Variants in FSHR observed in about 807,000 individuals in gnomAD.
FSHR encodes the protein follicle-stimulating hormone receptor.
Under a neutral mutation model 52.1 loss-of-function variants are expected in FSHR, and 46 were observed. The observed-to-expected ratio is 0.88, with a 90% confidence interval of 0.70 to 1.13. The LOEUF (loss-of-function observed/expected upper bound fraction) is 1.13. Among genes scored for constraint, FSHR ranks in the 50% most tolerant of loss-of-function variants. The pLI is 0.00. For missense variants in FSHR, 964 were observed against 834.6 expected, an observed-to-expected ratio of 1.16 and a Z score of -1.91; for synonymous variants, 399 against 309.6, an observed-to-expected ratio of 1.29 and a Z score of -3.03.
chr2:49,045,094 T>A (rs1668606832), intron 2 of FSHR, among the ~76,000 whole-genome samples: 1 of 152,216 alleles, frequency 6.6e-6, no homozygotes, highest in Non-Finnish European at 1.5e-5. Context: ...AAAAGTGTTT[T>A]TTTTCCCCAT....
At chr2:49,013,550 A>T (rs1223630264) in intron 4 of FSHR, among the ~76,000 whole-genome samples, 1 of 145,712 alleles carries the variant, frequency 6.9e-6, no homozygotes, top group African/African-American at 2.5e-5. Context: ...AAATAAATAT[A>T]TATATGGTTT....
intron 8 of FSHR, among the ~76,000 whole-genome samples, chr2:48,981,208 G>A (rs1005581434): frequency 5.1e-4 from 77 of 152,226 alleles, no homozygotes; most frequent in African/African-American, 1.8e-3. Context: ...GTCCTTCCTT[G>A]TACTTCATAG....
At position 48,964,023 on chromosome 2, in the gene FSHR, A is replaced by C. The variant is rs1674361557; in HGVS notation, c.855-57T>G. ...ATCTCAGATCCAGTATAGCAAATAC[A>C]TCACTGTCTTTGTGCAGGGTAGAAA... On this transcript the variant is annotated intron_variant, in intron 9 of 9. Coordinates refer to ENST00000406846, the MANE Select transcript of FSHR (RefSeq NM_000145.4). 2.6e-6 allele frequency: 4 copies of C among 1,541,018 alleles called. No homozygotes were observed. In the Admixed American group the frequency reaches 5.0e-5, roughly 19 times the overall value.
chr2:49,117,592 G>A lies in FSHR; in HGVS notation c.152+36674C>T, dbSNP rs549057563. On this transcript the variant is annotated intron_variant, in intron 1 of 9. Transcript: ENST00000406846. ...CCAGGTAAATGGAGTGTCCTTTTTG[G>A]AAGCACTGTGCAATGAAGCTGAAGG... Among the ~76,000 whole-genome samples the A allele has an allele frequency of 4.6e-5, 7 of 152,204 alleles. No individual in the cohort carries two copies. The East Asian group carries it at 1.4e-3, about 29-fold the overall frequency.
chr2:49,040,361 C>T (rs761457383), intron 2 of FSHR, among the ~76,000 whole-genome samples: 9 of 152,134 alleles, frequency 5.9e-5, no homozygotes, highest in Admixed American at 1.3e-4. Context: ...TAACCCTGCT[C>T]TAATTTTTCT....
intron 1 of FSHR, among the ~76,000 whole-genome samples, chr2:49,120,323 C>T (rs1302450369): frequency 6.6e-6 from 1 of 152,132 alleles, no homozygotes; most frequent in African/African-American, 2.4e-5. Context: ...GCTTTAGGTA[C>T]AGAATTTCAT....
chr2:49,013,524 A>ATC (rs1348916686), intron 4 of FSHR, among the ~76,000 whole-genome samples: 8 of 144,346 alleles, frequency 5.5e-5, no homozygotes, highest in Non-Finnish European at 1.2e-4. Context: ...ATAAATATAT[A>ATC]TAAAAATATA....
chr2:49,120,720 G>A (rs993279668), intron 1 of FSHR, among the ~76,000 whole-genome samples: 1 of 152,058 alleles, frequency 6.6e-6, no homozygotes, highest in African/African-American at 2.4e-5. Context: ...CAACCTCTCT[G>A]GCCTCACTCT....
At chr2:49,094,517 T>C (rs1379662005) in intron 1 of FSHR, among the ~76,000 whole-genome samples, 3 of 152,316 alleles carry the variant, frequency 2.0e-5, no homozygotes, top group African/African-American at 7.2e-5. Flanking sequence ...TTTCATTATT[T>C]TGAGAAAGCC....
chr2:48,977,964 T>C lies in FSHR; in HGVS notation c.668+4948A>G, dbSNP rs182157941. ...TTGGTCTTTCTTTTAAAAATATCACTTTTAACGTTGCAACACATGCTATAT... is the reference window on the plus strand; with the variant it reads ...TTGGTCTTTCTTTTAAAAATATCACCTTTAACGTTGCAACACATGCTATAT... On this transcript the variant is annotated intron_variant, in intron 8 of 9. Transcript: ENST00000406846. 9.9e-4 allele frequency among the ~76,000 whole-genome samples: 151 copies of C among 152,342 alleles called. 1 individual carries two copies. The highest frequency in any genetic ancestry group is 3.3e-3 in the African/African-American group (136 of 41,582).
intron 4 of FSHR, among the ~76,000 whole-genome samples, chr2:48,998,769 A>T (rs1248041878): frequency 7.3e-6 from 1 of 136,836 alleles, no homozygotes; most frequent in Admixed American, 6.9e-5. Context: ...ACTAAGGATT[A>T]AAAAAAAAGC....
intron 4 of FSHR, among the ~76,000 whole-genome samples, chr2:49,014,123 C>G (rs886451790): frequency 6.6e-6 from 1 of 152,128 alleles, no homozygotes; most frequent in African/African-American, 2.4e-5. Flanking sequence ...TTAAGCTACA[C>G]AAGCTACAGT....
At chr2:49,011,101 G>C (rs1485350918) in intron 4 of FSHR, among the ~76,000 whole-genome samples, 1 of 151,210 alleles carries the variant, frequency 6.6e-6, no homozygotes, top group Non-Finnish European at 1.5e-5. Flanking sequence ...TGCTTTTCTA[G>C]TTCTTTTAAT....
intron 4 of FSHR, among the ~76,000 whole-genome samples, chr2:49,002,935 TG>T (rs1666957878): frequency 6.6e-6 from 1 of 152,138 alleles, no homozygotes; most frequent in African/African-American, 2.4e-5. Flanking sequence ...GAGACCATGA[TG>T]GATGATCATT....
At chr2:49,025,627 CTT>C (rs1164296463) in intron 2 of FSHR, among the ~76,000 whole-genome samples, 1 of 152,094 alleles carries the variant, frequency 6.6e-6, no homozygotes, top group Admixed American at 6.6e-5. Context: ...ATAAAACTCT[CTT>C]TGTGGAGTCT....
At chr2:49,081,214 T>G (rs1372773522) in intron 1 of FSHR, among the ~76,000 whole-genome samples, 1 of 152,080 alleles carries the variant, frequency 6.6e-6, no homozygotes, top group Non-Finnish European at 1.5e-5. Context: ...GGAATAGTAA[T>G]AAAGACTAAA....
Position 49,107,125 on chromosome 2 carries a change from A to G in FSHR, c.153-38835T>C, listed in dbSNP as rs192838306. ...CTCGCCATTTATGAACAATTCCTGT[A>G]TGATCTGGCTCCTGCTTTAGCCCCT... is the stretch of plus-strand genomic sequence containing the variant. On this transcript the variant is annotated intron_variant, in intron 1 of 9. Coordinates refer to ENST00000406846, the MANE Select transcript of FSHR (RefSeq NM_000145.4). Among the ~76,000 whole-genome samples, 423 of 152,280 alleles carry G rather than the reference A, an allele frequency of 2.8e-3. 2 individuals carry two copies. The highest frequency in any genetic ancestry group is 4.3e-3 in the Non-Finnish European group (294 of 68,010).
intron 2 of FSHR, among the ~76,000 whole-genome samples, chr2:49,027,958 A>G (rs1199456036): frequency 6.6e-6 from 1 of 152,046 alleles, no homozygotes; most frequent in Non-Finnish European, 1.5e-5. Flanking sequence ...TTTCTTAAGC[A>G]GGAATTTACT....
chr2:49,012,458 T>A (rs1182253305), intron 4 of FSHR, among the ~76,000 whole-genome samples: 1 of 152,110 alleles, frequency 6.6e-6, no homozygotes, highest in African/African-American at 2.4e-5. Flanking sequence ...CATGAAGGCA[T>A]TGATGAAGAG....
Sources: allele counts gnomAD v4.1 joint callset (sites outside exome capture counted in the v4.1 genomes callset), GRCh38; gene constraint gnomAD v4.1.1; transcripts MANE v1.5; gene names NCBI Gene and HGNC (gene_info 2026-07-23, HGNC 2026-07-21).